Variants in ZC3H4 observed in about 807,000 individuals in gnomAD.
ZC3H4 encodes zinc finger CCCH domain-containing protein 4.
ZC3H4 carries 13 observed loss-of-function variants against 108.3 expected under a neutral mutation model. The ratio of observed to expected loss-of-function variants is 0.12; its 90% CI spans 0.08 to 0.19. ZC3H4 has a LOEUF of 0.19. Among genes scored for constraint, ZC3H4 ranks in the 10% least tolerant of loss-of-function variants. The probability of loss-of-function intolerance (pLI) is 1.00; values close to 1 mark genes in which losing one functional copy is unlikely to be tolerated. For missense variants in ZC3H4, 1,734 were observed against 1,838.8 expected (o/e 0.94, Z 1.04); for synonymous variants, 917 against 749.6 (o/e 1.22, Z -3.65).
rs756314196 is a variant in ZC3H4 at position 47,066,974 on chromosome 19, G to A, written c.3294C>T (p.Gly1098=). Residue 1098 remains glycine (G), a synonymous_variant, in exon 15 of 15, where the codon GGC becomes GGT. Coordinates refer to ENST00000253048, the MANE Select transcript of ZC3H4 (RefSeq NM_015168.2). ...CGGTGGGAGAGGGCGCCTCAGCAGG[G>A]CCGGGCTTGGCAGCCCGGGAGGAGG... The part of the protein sequence containing the change: ...STASSRAAKP[G]PAEAPSPTAS... The A allele has an allele frequency of 1.0e-5, 16 of 1,589,332 alleles. No individual in the cohort carries two copies. Among genetic ancestry groups the A allele is most frequent in the Middle Eastern group, 3.4e-4 (2 of 5,952 alleles).
At chr19:47,089,123 T>C (rs2057684729) in intron 5 of ZC3H4, among the ~76,000 whole-genome samples, 1 of 148,886 alleles carries the variant, frequency 6.7e-6, no homozygotes, top group African/African-American at 2.5e-5. Flanking sequence ...GAAGAATTGC[T>C]TGAACCCGGA....
chr19:47,102,466 C>T (rs999866838), intron 2 of ZC3H4, among the ~76,000 whole-genome samples: 1 of 152,050 alleles, frequency 6.6e-6, no homozygotes, highest in Non-Finnish European at 1.5e-5. Context: ...AATGAGGTAC[C>T]AAGACTTTGG....
intron 1 of ZC3H4, among the ~76,000 whole-genome samples, chr19:47,112,957 A>C (rs1003369490): frequency 6.6e-6 from 1 of 151,370 alleles, no homozygotes; most frequent in Non-Finnish European, 1.5e-5. Context: ...TAAGGGGAGA[A>C]GAGGAGAGCG....
chr19:47,094,197 A>T, intron 3 of ZC3H4, 117 bp from the exon 4 acceptor site: 1 of 1,143,892 alleles, frequency 8.7e-7, no homozygotes, highest in South Asian at 1.4e-5. Context: ...TTCACCTGAA[A>T]CACCTCACCT....
intron 2 of ZC3H4, among the ~76,000 whole-genome samples, chr19:47,103,898 C>T (rs1015519394): frequency 3.3e-5 from 5 of 151,578 alleles, no homozygotes; most frequent in African/African-American, 7.3e-5. Context: ...GAGCTGAAAT[C>T]GTGCCACTGC....
chr19:47,107,200 T>A (rs1322796267), intron 2 of ZC3H4, among the ~76,000 whole-genome samples: 3 of 152,178 alleles, frequency 2.0e-5, no homozygotes, highest in Non-Finnish European at 4.4e-5. Flanking sequence ...CCCTAAGAGA[T>A]GAAAGATAAA....
At chr19:47,112,708 A>T (rs2058056385) in intron 1 of ZC3H4, 119 bp from the exon 2 acceptor site, 2 of 535,120 alleles carry the variant, frequency 3.7e-6, no homozygotes, top group Non-Finnish European at 5.7e-6. Flanking sequence ...TCGGTTTCGG[A>T]ATCACCTCTG....
Position 47,065,511 on chromosome 19 carries a change from G to A in ZC3H4, c.*845C>T, listed in dbSNP as rs2057181183. The A allele has an allele frequency of 6.5e-6, 1 of 152,786 alleles. No individual in the cohort carries two copies. Among genetic ancestry groups the A allele is most frequent in the African/African-American group, 2.4e-5 (1 of 41,436 alleles). The allele number at this position is 152,786 out of a possible 1,614,324, so 9.5% of individuals were successfully genotyped here. ...GGACAGACCCTGGTGTGGGCAAGCA[G>A]GGTGTGGCCCACCTGATAGGACAGG... On this transcript the variant is annotated 3_prime_UTR_variant, in exon 15 of 15. Coordinates refer to ENST00000253048, the MANE Select transcript of ZC3H4 (RefSeq NM_015168.2).
At chr19:47,076,756 A>T (rs887150127) in intron 11 of ZC3H4, among the ~76,000 whole-genome samples, 1 of 152,184 alleles carries the variant, frequency 6.6e-6, no homozygotes, top group South Asian at 2.1e-4. Flanking sequence ...GCACTTTGGA[A>T]GGCAGAGCCG....
In ZC3H4 at chr19:47,067,905, G is replaced by A. The variant is rs1242257987; in HGVS notation, c.2399-36C>T. The A allele has an allele frequency of 6.5e-7, 1 of 1,539,318 alleles. No individual in the cohort carries two copies. Among genetic ancestry groups the A allele is most frequent in the Non-Finnish European group, 8.7e-7 (1 of 1,143,892 alleles). ...ACAGAGGAGCAGGGAGGGGTGAGTG[G>A]GCGCATCCACCACCCGCCCTCTTGG... On this transcript the variant is annotated intron_variant, in intron 14 of 14. Coordinates refer to ENST00000253048, the MANE Select transcript of ZC3H4 (RefSeq NM_015168.2). The surrounding 1 kb of genome is among the most constrained non-coding windows in gnomAD (Gnocchi z 6.4).
At chr19:47,100,047 C>T (rs540144027) in intron 2 of ZC3H4, among the ~76,000 whole-genome samples, 8 of 152,198 alleles carry the variant, frequency 5.3e-5, no homozygotes, top group Non-Finnish European at 1.0e-4. Flanking sequence ...TACAAGGAGG[C>T]GCCGCCTCTT....
chr19:47,089,924 G>A lies in ZC3H4; in HGVS notation c.715+43C>T, dbSNP rs988320355. On this transcript the variant is annotated intron_variant, in intron 5 of 14. Coordinates refer to ENST00000253048, the MANE Select transcript of ZC3H4 (RefSeq NM_015168.2). ...CCAGGCCACCGGGGTTGGCCCGGGT[G>A]GCTCCGATGCCCCAGAGGAGAAACT... The A allele has an allele frequency of 3.1e-6, 5 of 1,608,054 alleles. No homozygotes were observed. In the African/African-American group the frequency reaches 4.0e-5, roughly 13 times the overall value.
intron 2 of ZC3H4, among the ~76,000 whole-genome samples, chr19:47,095,454 C>G (rs1047683153): frequency 1.3e-5 from 2 of 152,144 alleles, no homozygotes; most frequent in Non-Finnish European, 2.9e-5. Flanking sequence ...GAGGGCCTCA[C>G]ATGATACCGG....
chr19:47,075,590 T>C (rs2057405162), intron 11 of ZC3H4, among the ~76,000 whole-genome samples: 1 of 152,120 alleles, frequency 6.6e-6, no homozygotes, highest in African/African-American at 2.4e-5. Flanking sequence ...CTTCACGGCC[T>C]GATCCCCACG....
In ZC3H4 at chr19:47,069,328, T is replaced by C. The variant is rs2057284139; in HGVS notation, c.2162A>G (p.Tyr721Cys). ...LLGDAEDYGH[Y>C]EELPGEPGEH... The stretch of plus-strand genomic sequence containing the variant: ...CCCAGGCTCCCCTGGCAGCTCTTCG[T>C]AGTGCCCGTAGTCCTCTGTGGCAGG... Residue 721 changes from tyrosine to cysteine, a missense_variant, in exon 14 of 15, where the codon TAC becomes TGC. Transcript: ENST00000253048. 6.2e-7 allele frequency: 1 copy of C among 1,612,940 alleles called. No homozygotes were observed. Among genetic ancestry groups the C allele is most frequent in the African/African-American group, 1.3e-5 (1 of 74,876 alleles).
intron 13 of ZC3H4, 75 bp from the exon 14 acceptor site, chr19:47,069,418 C>T: frequency 2.0e-6 from 3 of 1,527,508 alleles, no homozygotes; most frequent in Middle Eastern, 1.8e-4. Flanking sequence ...CTGCCCCTCA[C>T]TGCAAACCCA....
intron 8 of ZC3H4, among the ~76,000 whole-genome samples, chr19:47,084,817 T>C (rs946900036): frequency 6.6e-6 from 1 of 152,214 alleles, no homozygotes; most frequent in Admixed American, 6.5e-5. Context: ...ACCTCAGAGA[T>C]GTGTTAGGTA....
rs1414171979 is a variant in ZC3H4 at position 47,069,330 on chromosome 19, G to C, written c.2160C>G (p.His720Gln). 3.1e-6 allele frequency: 5 copies of C among 1,613,120 alleles called. No homozygotes were observed. The highest frequency in any genetic ancestry group is 4.2e-6 in the Non-Finnish European group (5 of 1,179,614). The change falls in exon 14 of 15, where the codon CAC becomes CAG. Residue 720 changes from histidine (H) to glutamine (Q), a missense_variant. This residue lies in a region of ZC3H4 where 540 missense variants were observed against 484.1 expected (regional missense o/e 1.12). Transcript: ENST00000253048. ...CAGGCTCCCCTGGCAGCTCTTCGTA[G>C]TGCCCGTAGTCCTCTGTGGCAGGGA... Reference protein sequence around the residue: ...GLLGDAEDYGHYEELPGEPGE... With the variant: ...GLLGDAEDYGQYEELPGEPGE...
intron 2 of ZC3H4, among the ~76,000 whole-genome samples, chr19:47,097,902 C>T (rs2057848177): frequency 6.6e-6 from 1 of 152,212 alleles, no homozygotes; most frequent in Non-Finnish European, 1.5e-5. Context: ...GACATGGCTG[C>T]ACTCGGTCCG....
Sources: allele counts gnomAD v4.1 joint callset (sites outside exome capture counted in the v4.1 genomes callset), GRCh38; gene constraint gnomAD v4.1.1; regional missense constraint gnomAD v4.1.1; non-coding constraint Gnocchi (gnomAD v3.1); transcripts MANE v1.5; gene names NCBI Gene and HGNC (gene_info 2026-07-23, HGNC 2026-07-21).